Variants in ELOVL7 observed in about 807,000 individuals in gnomAD.
The protein encoded by ELOVL7 is very long chain fatty acid elongase 7.
Under a neutral mutation model 35.7 loss-of-function variants are expected in ELOVL7, and 27 were observed. That is an observed-to-expected ratio of 0.76 (90% CI 0.56 to 1.04). The LOEUF (loss-of-function observed/expected upper bound fraction) is 1.04, where lower values mean the gene tolerates loss of function less well. Ranked by LOEUF, ELOVL7 falls within the 50% of genes least tolerant of loss-of-function variation. The pLI is 0.00. For synonymous variants in ELOVL7, 113 were observed against 114.6 expected (o/e 0.99, Z 0.09); for missense variants, 327 against 340.8 (o/e 0.96, Z 0.32).
At chr5:60,821,327 T>G (rs1409132185) in intron 1 of ELOVL7, among the ~76,000 whole-genome samples, 1 of 152,186 alleles carries the variant, frequency 6.6e-6, no homozygotes, top group African/African-American at 2.4e-5. Flanking sequence ...TGGCACATGG[T>G]TGACTTCCAA....
At chr5:60,780,114 CTTTTTTT>C (rs59345433) in intron 3 of ELOVL7, among the ~76,000 whole-genome samples, 2 of 124,356 alleles carry the variant, frequency 1.6e-5, no homozygotes, top group African/African-American at 3.4e-5. Flanking sequence ...CAAACTTTCC[CTTTTTTT>C]TTTTTTTTTT....
chr5:60,812,910 A>C (rs1357559093), intron 1 of ELOVL7, among the ~76,000 whole-genome samples: 1 of 152,110 alleles, frequency 6.6e-6, no homozygotes, highest in Non-Finnish European at 1.5e-5. Flanking sequence ...CCCTGCACTG[A>C]AGGATTTCTC....
intron 3 of ELOVL7, among the ~76,000 whole-genome samples, chr5:60,779,649 C>T (rs1426950824): frequency 1.3e-5 from 2 of 152,192 alleles, no homozygotes; most frequent in East Asian, 1.9e-4. Flanking sequence ...CCTCCTAGGC[C>T]TCCAGGTCTG....
At chr5:60,785,483 A>G (rs1375560704) in intron 3 of ELOVL7, among the ~76,000 whole-genome samples, 1 of 152,184 alleles carries the variant, frequency 6.6e-6, no homozygotes, top group Non-Finnish European at 1.5e-5. Flanking sequence ...GGATTCTTGT[A>G]TCTGGGATAG....
chr5:60,757,779 C>G (rs1374823113), intron 7 of ELOVL7, 134 bp from the exon 8 acceptor site: 1 of 698,598 alleles, frequency 1.4e-6, no homozygotes, highest in Non-Finnish European at 2.2e-6. Context: ...TCCTGTTAAA[C>G]AACTATCAAA....
chr5:60,754,696 G>A lies in ELOVL7; in HGVS notation c.774C>T (p.Tyr258=). 1 of 1,614,086 alleles carries A rather than the reference G, an allele frequency of 6.2e-7. No homozygotes were observed. Among genetic ancestry groups the A allele is most frequent in the Non-Finnish European group, 8.5e-7 (1 of 1,179,996 alleles). The change falls in exon 9 of 9, where the codon TAC becomes TAT. Residue 258 remains tyrosine, a synonymous_variant. Coordinates refer to ENST00000508821, the MANE Select transcript of ELOVL7 (RefSeq NM_024930.3). ...MFLLLFLHFW[Y]RAYTKGQRLP... is the part of the protein sequence containing the mutation. Reference sequence around the variant, plus strand: ...ACCTCTGACCTTTGGTGTAAGCACGGTACCAAAAATGGAGAAAGAGCAGCA... The same window carrying A: ...ACCTCTGACCTTTGGTGTAAGCACGATACCAAAAATGGAGAAAGAGCAGCA...
intron 1 of ELOVL7, among the ~76,000 whole-genome samples, chr5:60,801,917 G>A (rs1340015852): frequency 6.6e-6 from 1 of 151,770 alleles, no homozygotes; most frequent in South Asian, 2.1e-4. Context: ...GCCTCAGACT[G>A]AGGGCTGCAC....
chr5:60,840,910 T>TCA (rs552326173), intron 1 of ELOVL7, among the ~76,000 whole-genome samples: 132 of 151,674 alleles, frequency 8.7e-4, no homozygotes, highest in African/African-American at 3.1e-3. Flanking sequence ...GTTAAGTAAA[T>TCA]CACATTATAA....
intron 1 of ELOVL7, among the ~76,000 whole-genome samples, chr5:60,800,881 A>G (rs938506723): frequency 5.9e-5 from 9 of 152,208 alleles, no homozygotes; most frequent in African/African-American, 2.2e-4. Flanking sequence ...ATGGAAGGTC[A>G]ACTGTATTAC....
At chr5:60,796,903 G>A (rs1207257141) in intron 2 of ELOVL7, among the ~76,000 whole-genome samples, 1 of 151,904 alleles carries the variant, frequency 6.6e-6, no homozygotes, top group Non-Finnish European at 1.5e-5. Context: ...AATTTACTAC[G>A]GACATTTTCA....
rs573064050 is a variant in ELOVL7, at chr5:60,791,200, T to C, written c.-34-3769A>G. ...TATGTTGCTCAGGCTGGTCTCAAACTCCTTGGGCTCAAGCAGTCCGCCTGC... is the reference window on the plus strand; with the variant it reads ...TATGTTGCTCAGGCTGGTCTCAAACCCCTTGGGCTCAAGCAGTCCGCCTGC... On this transcript the variant is annotated intron_variant, in intron 2 of 8. Coordinates refer to ENST00000508821, the MANE Select transcript of ELOVL7 (RefSeq NM_024930.3). Among the ~76,000 whole-genome samples the C allele has an allele frequency of 3.3e-5, 5 of 152,234 alleles. No individual in the cohort carries two copies. In the East Asian group the frequency reaches 9.7e-4, roughly 29 times the overall value.
At chr5:60,823,350 T>A (rs1745994411) in intron 1 of ELOVL7, among the ~76,000 whole-genome samples, 1 of 152,058 alleles carries the variant, frequency 6.6e-6, no homozygotes, top group Non-Finnish European at 1.5e-5. Context: ...TTAGGGCCCT[T>A]CCTACATGCG....
At chr5:60,825,215 T>C (rs1418706293) in intron 1 of ELOVL7, among the ~76,000 whole-genome samples, 5 of 152,134 alleles carry the variant, frequency 3.3e-5, no homozygotes, top group African/African-American at 1.2e-4. Context: ...TTCAACTGCA[T>C]TGATCCCCTT....
At chr5:60,795,689 A>C (rs1395371869) in intron 2 of ELOVL7, among the ~76,000 whole-genome samples, 1 of 152,164 alleles carries the variant, frequency 6.6e-6, no homozygotes, top group East Asian at 1.9e-4. Context: ...CAGGGTGTCC[A>C]CTGTGCTTCT....
chr5:60,803,020 G>A (rs1011412394), intron 1 of ELOVL7, among the ~76,000 whole-genome samples: 1 of 152,142 alleles, frequency 6.6e-6, no homozygotes, highest in African/African-American at 2.4e-5. Flanking sequence ...TTTATTTAGA[G>A]CAGTGAAAGG....
At chr5:60,834,722 C>T (rs1746686517) in intron 1 of ELOVL7, among the ~76,000 whole-genome samples, 1 of 152,166 alleles carries the variant, frequency 6.6e-6, no homozygotes, top group African/African-American at 2.4e-5. Flanking sequence ...CTACTTACTA[C>T]ACTATAGCGT....
chr5:60,836,930 T>A (rs1404455148), intron 1 of ELOVL7, among the ~76,000 whole-genome samples: 2 of 151,958 alleles, frequency 1.3e-5, no homozygotes, highest in Non-Finnish European at 1.5e-5. Flanking sequence ...TAGGGCCTCC[T>A]ATATTCTCAA....
rs59345433 is a variant in ELOVL7, at chr5:60,780,114, C to CT, written c.64+7219dup. Among the ~76,000 whole-genome samples the CT allele has an allele frequency of 5.4e-3, 671 of 124,328 alleles. 5 individuals carry two copies. Among genetic ancestry groups the CT allele is most frequent in the East Asian group, 0.029 (130 of 4,466 alleles). 81.6% of individuals were successfully genotyped at this position (124,328 alleles called of 152,430 possible). On this transcript the variant is annotated intron_variant, in intron 3 of 8. Transcript: ENST00000508821. ...GTCTCTAGTAAGTTCCAAACTTTCC[C>CT]TTTTTTTTTTTTTTTTTTTTTTTAG...
chr5:60,799,070 C>G (rs1744436679), intron 2 of ELOVL7, 110 bp downstream of exon 2: 1 of 151,962 alleles, frequency 6.6e-6, no homozygotes. Context: ...GGAAAATTCA[C>G]AAATACATGG....
Sources: allele counts gnomAD v4.1 joint callset (sites outside exome capture counted in the v4.1 genomes callset), GRCh38; gene constraint gnomAD v4.1.1; transcripts MANE v1.5; gene names NCBI Gene and HGNC (gene_info 2026-07-23, HGNC 2026-07-21).